Variants in PPP1R13B observed in about 807,000 individuals in gnomAD.
PPP1R13B encodes the protein protein phosphatase 1 regulatory subunit 13B.
PPP1R13B carries 44 observed loss-of-function variants against 119.8 expected under a neutral mutation model. The ratio of observed to expected loss-of-function variants is 0.37; its 90% CI spans 0.29 to 0.47. The LOEUF (loss-of-function observed/expected upper bound fraction) is 0.47. PPP1R13B is among the 20% of genes least tolerant of loss of function. The pLI is 0.99. For missense variants in PPP1R13B, 1,227 were observed against 1,413.5 expected (o/e 0.87, Z 2.12); for synonymous variants, 542 against 561.5 (o/e 0.97, Z 0.49).
intron 11 of PPP1R13B, among the ~76,000 whole-genome samples, chr14:103,741,558 GC>G (rs1247204158): frequency 1.3e-5 from 2 of 152,166 alleles, no homozygotes; most frequent in Non-Finnish European, 2.9e-5. Context: ...CACGGAGGTG[GC>G]TGCTCAGACA....
chr14:103,734,204 T>G lies in PPP1R13B; in HGVS notation c.*950A>C, dbSNP rs2084029233. The G allele has an allele frequency of 5.7e-5, 16 of 279,358 alleles. No individual in the cohort carries two copies. Among genetic ancestry groups the G allele is most frequent in the South Asian group, 5.6e-4 (15 of 26,908 alleles). 17.3% of individuals were successfully genotyped at this position (279,358 alleles called of 1,614,324 possible). On this transcript the variant is annotated 3_prime_UTR_variant, in exon 17 of 17. Transcript: ENST00000202556. ...AGGGGTGGCCCCTGACCCCAGCTCC[T>G]CTGCCCCAGCTGCTGCTCCTTGGTG... is the stretch of plus-strand genomic sequence containing the variant.
In PPP1R13B at chr14:103,745,462, C is replaced by T. The variant is rs147720744; in HGVS notation, c.1150+911G>A. The stretch of plus-strand genomic sequence containing the variant: ...TGTGTGTTTCAGGGAAATGTGTCAA[C>T]CTCAGTCATAAAGAAAGTCTTATTG... On this transcript the variant is annotated intron_variant, in intron 9 of 16. Coordinates refer to ENST00000202556, the MANE Select transcript of PPP1R13B (RefSeq NM_015316.3). Among the ~76,000 whole-genome samples, 4 of 152,352 alleles carry T rather than the reference C, an allele frequency of 2.6e-5. 1 individual carries two copies. Among genetic ancestry groups the T allele is most frequent in the African/African-American group, 9.6e-5 (4 of 41,588 alleles).
intron 12 of PPP1R13B, 106 bp from the exon 13 acceptor site, chr14:103,739,129 C>T: frequency 1.4e-6 from 2 of 1,471,536 alleles, no homozygotes; most frequent in South Asian, 1.3e-5. Flanking sequence ...AAGACAGTGG[C>T]TCCGCGAAGC....
At chr14:103,799,369 G>A (rs750126473) in intron 1 of PPP1R13B, among the ~76,000 whole-genome samples, 6 of 151,858 alleles carry the variant, frequency 4.0e-5, no homozygotes, top group Admixed American at 2.0e-4. Flanking sequence ...CAGTAGAGAC[G>A]GGGTTTCACC....
At chr14:103,845,499 T>C (rs978160103) in intron 1 of PPP1R13B, among the ~76,000 whole-genome samples, 7 of 152,168 alleles carry the variant, frequency 4.6e-5, no homozygotes, top group African/African-American at 1.7e-4. Context: ...TTTATTGTTT[T>C]GAGAAATCCG....
intron 2 of PPP1R13B, among the ~76,000 whole-genome samples, chr14:103,785,427 A>C (rs1209231054): frequency 2.6e-5 from 4 of 151,838 alleles, no homozygotes; most frequent in African/African-American, 9.7e-5. Context: ...CATGTTAGCC[A>C]GGCTGGTCTC....
chr14:103,814,673 C>T (rs56747372), intron 1 of PPP1R13B, among the ~76,000 whole-genome samples: 2,355 of 152,182 alleles, frequency 0.015, 48 homozygotes, highest in African/African-American at 0.045. Context: ...CGGCGGGGCG[C>T]GGTGGCTCAC....
At chr14:103,835,589 CCTG>C (rs1176634009) in intron 1 of PPP1R13B, among the ~76,000 whole-genome samples, 11 of 150,078 alleles carry the variant, frequency 7.3e-5, no homozygotes, top group African/African-American at 2.5e-4. Context: ...GCCACTATGT[CCTG>C]CTAATTTTTA....
Position 103,740,682 on chromosome 14 carries a change from G to T in PPP1R13B, c.1823-89C>A. 8.8e-7 allele frequency: 1 copy of T among 1,135,226 alleles called. No individual in the cohort carries two copies. Among genetic ancestry groups the T allele is most frequent in the Non-Finnish European group, 1.2e-6 (1 of 855,156 alleles). 70.3% of individuals were successfully genotyped at this position (1,135,226 alleles called of 1,614,324 possible). On this transcript the variant is annotated intron_variant, in intron 11 of 16. Transcript: ENST00000202556. This position sits in a 1 kb window ranked among gnomAD's most constrained non-coding sequence, Gnocchi z 4.6. ...ATGATTACACCAGAGACAGGCTCCT[G>T]CAAAGACACACATATACATCTGCTG...
intron 3 of PPP1R13B, among the ~76,000 whole-genome samples, chr14:103,781,495 T>C (rs1406093821): frequency 6.6e-6 from 1 of 152,214 alleles, no homozygotes; most frequent in African/African-American, 2.4e-5. Context: ...AATTTTCCTT[T>C]ACTATAAAAT....
intron 1 of PPP1R13B, among the ~76,000 whole-genome samples, chr14:103,842,341 C>T (rs1310544604): frequency 2.3e-5 from 3 of 131,196 alleles, no homozygotes; most frequent in Non-Finnish European, 3.1e-5. Flanking sequence ...CTTGCATTGT[C>T]ACCCAGGCTG....
intron 4 of PPP1R13B, 64 bp downstream of exon 4, chr14:103,778,681 C>T: frequency 7.6e-7 from 1 of 1,308,726 alleles, no homozygotes; most frequent in Non-Finnish European, 1.1e-6. Context: ...GCTGAGATTA[C>T]AGGTGTAACC....
intron 3 of PPP1R13B, among the ~76,000 whole-genome samples, chr14:103,780,585 C>T (rs1314691933): frequency 1.4e-5 from 2 of 147,196 alleles, no homozygotes; most frequent in Non-Finnish European, 3.0e-5. Flanking sequence ...GAGGCCAAGG[C>T]GGGCAGATCA....
chr14:103,780,852 A>G (rs1055500006), intron 3 of PPP1R13B, among the ~76,000 whole-genome samples: 3 of 151,986 alleles, frequency 2.0e-5, no homozygotes, highest in African/African-American at 7.2e-5. Context: ...GAATATTAGT[A>G]AGTTGAAGGG....
In PPP1R13B at chr14:103,733,742, C is replaced by T. The variant is rs1595696031; in HGVS notation, c.*1412G>A. ...GCGCAGTCTGGGTCCAGAAAGAAGA[C>T]TCACAGCCGCCGGGGTGAGACGGGT... On this transcript the variant is annotated 3_prime_UTR_variant, in exon 17 of 17. Coordinates refer to ENST00000202556, the MANE Select transcript of PPP1R13B (RefSeq NM_015316.3). 2 of 152,554 alleles carry T rather than the reference C, an allele frequency of 1.3e-5. No individual in the cohort carries two copies. Among genetic ancestry groups the T allele is most frequent in the Non-Finnish European group, 1.5e-5 (1 of 68,072 alleles). 9.5% of individuals were successfully genotyped at this position (152,554 alleles called of 1,614,324 possible).
At chr14:103,819,610 G>A (rs2086360776) in intron 1 of PPP1R13B, among the ~76,000 whole-genome samples, 1 of 152,096 alleles carries the variant, frequency 6.6e-6, no homozygotes, top group South Asian at 2.1e-4. Context: ...TAGAGGTAAT[G>A]CAAAATAGAA....
chr14:103,772,676 T>G (rs1037849539), intron 4 of PPP1R13B, among the ~76,000 whole-genome samples: 2 of 98,482 alleles, frequency 2.0e-5, no homozygotes, highest in Admixed American at 1.1e-4. Flanking sequence ...TTTCTTTTTC[T>G]TTTTTTTTTT....
intron 5 of PPP1R13B, among the ~76,000 whole-genome samples, chr14:103,755,034 G>A (rs371811474): frequency 1.6e-4 from 24 of 152,146 alleles, no homozygotes; most frequent in African/African-American, 5.1e-4. Flanking sequence ...CACCCGCCTC[G>A]GCCTCCCAAA....
intron 2 of PPP1R13B, among the ~76,000 whole-genome samples, chr14:103,786,652 C>G (rs1012452815): frequency 6.6e-6 from 1 of 151,146 alleles, no homozygotes; most frequent in Non-Finnish European, 1.5e-5. Flanking sequence ...GTAGTCCCAG[C>G]TACTCAGGAG....
Sources: allele counts gnomAD v4.1 joint callset (sites outside exome capture counted in the v4.1 genomes callset), GRCh38; gene constraint gnomAD v4.1.1; non-coding constraint Gnocchi (gnomAD v3.1); transcripts MANE v1.5; gene names NCBI Gene and HGNC (gene_info 2026-07-23, HGNC 2026-07-21).